Variants in ZNF676 observed in about 807,000 individuals in gnomAD.
ZNF676 encodes the protein zinc finger protein 676.
Under a neutral mutation model 6.0 loss-of-function variants are expected in ZNF676, and 4 were observed. That is an observed-to-expected ratio of 0.67 (90% CI 0.33 to 1.53). ZNF676 has a LOEUF of 1.53. Ranked by LOEUF, ZNF676 falls within the 40% of genes most tolerant of loss-of-function variation. ZNF676 has a pLI of 0.06. For missense variants in ZNF676, 644 were observed against 679.7 expected (o/e 0.95, Z 0.58); for synonymous variants, 198 against 223.1 (o/e 0.89, Z 1.00).
the ZNF676 span, among the ~76,000 whole-genome samples, chr19:22,235,021 AAAGAAAG>A: frequency 0.13 from 12,794 of 95,754 alleles, 1,070 homozygotes; most frequent in African/African-American, 0.17. Context: ...AGAAAGAAAG[AAAGAAAG>A]AAAGAAAAGA....
chr19:22,192,676 G>T (rs1324514904), intron 2 of ZNF676, among the ~76,000 whole-genome samples: 1 of 151,976 alleles, frequency 6.6e-6, no homozygotes, highest in Non-Finnish European at 1.5e-5. Context: ...GAACTTAAAA[G>T]ATAGTTTAAC....
the ZNF676 span, among the ~76,000 whole-genome samples, chr19:22,256,448 T>C: frequency 1.3e-5 from 2 of 152,008 alleles, no homozygotes; most frequent in South Asian, 2.1e-4. Context: ...CCCAGTGATA[T>C]GTCACAATGC....
At chr19:22,247,300 A>G in the ZNF676 span, among the ~76,000 whole-genome samples, 6 of 152,156 alleles carry the variant, frequency 3.9e-5, no homozygotes. Context: ...ACGGCGGCTC[A>G]TGTCAGTAAT....
chr19:22,191,252 T>A (rs2023903261), intron 2 of ZNF676, among the ~76,000 whole-genome samples: 1 of 152,146 alleles, frequency 6.6e-6, no homozygotes, highest in South Asian at 2.1e-4. Context: ...GAAGGCAAGC[T>A]TTCATTCAGG....
the ZNF676 span, among the ~76,000 whole-genome samples, chr19:22,252,444 AAAAAG>A: frequency 6.6e-6 from 1 of 151,932 alleles, no homozygotes; most frequent in Non-Finnish European, 1.5e-5. Flanking sequence ...AAGAAAAAAA[AAAAAG>A]AAGAGTCAAA....
intron 2 of ZNF676, among the ~76,000 whole-genome samples, chr19:22,183,330 T>C (rs1164398344): frequency 3.9e-5 from 6 of 152,196 alleles, no homozygotes; most frequent in African/African-American, 1.4e-4. Flanking sequence ...AGAATTTTAA[T>C]AGATTTATTA....
At chr19:22,249,777 A>G in the ZNF676 span, among the ~76,000 whole-genome samples, 1 of 151,258 alleles carries the variant, frequency 6.6e-6, no homozygotes, top group African/African-American at 2.4e-5. Context: ...TTTTTTTTTA[A>G]AGCACAGATC....
chr19:22,192,662 AAG>A (rs1209171782), intron 2 of ZNF676, among the ~76,000 whole-genome samples: 1 of 152,134 alleles, frequency 6.6e-6, no homozygotes, highest in East Asian at 1.9e-4. Flanking sequence ...ATGATGGAAA[AAG>A]AGAACTTAAA....
the ZNF676 span, among the ~76,000 whole-genome samples, chr19:22,253,368 G>GATAA: frequency 6.8e-5 from 4 of 59,206 alleles, no homozygotes; most frequent in African/African-American, 2.4e-4. Flanking sequence ...GTGTGTGTGT[G>GATAA]TGTGTATATA....
chr19:22,239,309 A>G, the ZNF676 span, among the ~76,000 whole-genome samples: 1 of 149,152 alleles, frequency 6.7e-6, no homozygotes. Context: ...CCGAGTAGCT[A>G]GGACTACAGG....
chr19:22,180,071 G>C lies in ZNF676; in HGVS notation c.1646C>G (p.Thr549Ser), dbSNP rs1219016453. Residue 549 changes from threonine to serine, a missense_variant, in exon 3 of 3, where the codon ACT becomes AGT. Thr to Ser is a moderately conservative substitution (Grantham distance 58, BLOSUM62 1). Around this residue, in one of 5 missense-constraint regions of ZNF676, gnomAD observed 306 missense variants for 265.4 expected, o/e 1.15. Coordinates refer to ENST00000397121, the MANE Select transcript of ZNF676 (RefSeq NM_001001411.3). ...TCCAGTATGAATTCTCTTGTGTCTA[G>C]TAAGGCTTGAGGATCTGCTGAAGGC... is the stretch of plus-strand genomic sequence containing the variant. ...GKAFSRSSSL[T>S]RHKRIHTGEK... 1 of 1,612,396 alleles carries C rather than the reference G, an allele frequency of 6.2e-7. No individual in the cohort carries two copies. Among genetic ancestry groups the C allele is most frequent in the Non-Finnish European group, 8.5e-7 (1 of 1,179,530 alleles).
chr19:22,253,998 T>C, the ZNF676 span, among the ~76,000 whole-genome samples: 1 of 152,214 alleles, frequency 6.6e-6, no homozygotes, highest in Non-Finnish European at 1.5e-5. Flanking sequence ...TTCTATTGGC[T>C]GGTTTGAGGT....
At chr19:22,244,281 A>T in the ZNF676 span, 2 of 152,038 alleles carry the variant, frequency 1.3e-5, no homozygotes, top group African/African-American at 2.4e-5. Context: ...TGACCTCGTG[A>T]TTCACCCACC....
At chr19:22,200,357 G>C (rs999117035), upstream of ZNF676, among the ~76,000 whole-genome samples, 2 of 151,892 alleles carry the variant, frequency 1.3e-5, no homozygotes, top group Non-Finnish European at 2.9e-5. Context: ...GTAGACATCA[G>C]AAACCACAAT....
chr19:22,190,482 A>T (rs1365424847), intron 2 of ZNF676, among the ~76,000 whole-genome samples: 1 of 151,670 alleles, frequency 6.6e-6, no homozygotes, highest in Non-Finnish European at 1.5e-5. Flanking sequence ...TCAAAAGACA[A>T]TACCCAACAA....
the ZNF676 span, among the ~76,000 whole-genome samples, chr19:22,256,336 C>T: frequency 6.6e-6 from 1 of 152,002 alleles, no homozygotes; most frequent in Admixed American, 6.6e-5. Context: ...TAGAAGGGAC[C>T]AGGCAGGAGA....
At chr19:22,209,744 ACT>A (rs1372775156) in intron 1 of ZNF676, among the ~76,000 whole-genome samples, 15 of 152,150 alleles carry the variant, frequency 9.9e-5, no homozygotes, top group African/African-American at 3.6e-4. Context: ...GTGGGGCTGT[ACT>A]CTGATTCATT....
Position 22,212,744 on chromosome 19 carries a change from C to A in ZNF676, c.3+2888G>T, listed in dbSNP as rs530835056. On this transcript the variant is annotated intron_variant, in intron 1 of 3. Transcript: ENST00000650058. ...GTGTGCGGTGGCTCACGTCTGTAAT[C>A]CCAGCACTTTGGGAGGCCAAGGTGG... Among the ~76,000 whole-genome samples the A allele has an allele frequency of 4.6e-5, 7 of 151,020 alleles. No homozygotes were observed. The South Asian group carries it at 1.5e-3, about 32-fold the overall frequency.
At chr19:22,238,878 T>C in the ZNF676 span, among the ~76,000 whole-genome samples, 1 of 152,196 alleles carries the variant, frequency 6.6e-6, no homozygotes, top group Non-Finnish European at 1.5e-5. Context: ...GCTTATATTC[T>C]GGCCACGTTG....
Sources: gnomAD v4.1 joint callset for allele counts (sites outside exome capture counted in the v4.1 genomes callset) on GRCh38, gnomAD v4.1.1 for gene constraint, gnomAD v4.1.1 regional missense constraint, MANE v1.5 for transcripts, NCBI Gene and HGNC (gene_info 2026-07-23, HGNC 2026-07-21) for gene names.